Variants in MLKL observed in about 807,000 individuals in gnomAD.
MLKL encodes mixed lineage kinase domain like pseudokinase, also known as mixed lineage kinase domain-like protein.
A neutral mutation model predicts 56.5 loss-of-function variants in MLKL; 55 were observed. That is an observed-to-expected ratio of 0.97 (90% confidence interval 0.78 to 1.22). The LOEUF (loss-of-function observed/expected upper bound fraction) is 1.22, where lower values mean the gene tolerates loss of function less well. Among genes scored for constraint, MLKL ranks in the 50% most tolerant of loss-of-function variants. MLKL has a pLI of 0.00. For synonymous variants in MLKL, 251 were observed against 208.3 expected, an observed-to-expected ratio of 1.20 and a Z score of -1.76; for missense variants, 694 against 573.9, an observed-to-expected ratio of 1.21 and a Z score of -2.14.
At chr16:74,692,469 C>A in intron 2 of MLKL, 53 bp from the exon 3 acceptor site, 1 of 1,414,384 alleles carries the variant, frequency 7.1e-7, no homozygotes, top group Non-Finnish European at 9.8e-7. Context: ...AATCACACGC[C>A]AATCAAAACT....
chr16:74,693,506 A>AG (rs1472545232), intron 2 of MLKL, among the ~76,000 whole-genome samples: 34 of 151,374 alleles, frequency 2.2e-4, no homozygotes, highest in Non-Finnish European at 4.0e-4. Context: ...AGAAAAGAAA[A>AG]AAAAAGTTCT....
chr16:74,682,938 G>C, intron 5 of MLKL, 152 bp from the exon 6 acceptor site: 1 of 883,578 alleles, frequency 1.1e-6, no homozygotes, highest in South Asian at 1.8e-5. Flanking sequence ...TTTGGTCCCC[G>C]GCCTCCTTGA....
At chr16:74,680,395 G>A (rs950346909) in intron 6 of MLKL, among the ~76,000 whole-genome samples, 1 of 152,126 alleles carries the variant, frequency 6.6e-6, no homozygotes, top group African/African-American at 2.4e-5. Context: ...TGGTATGCAA[G>A]ATTATATAAA....
At chr16:74,676,857 A>G (rs1377890843) in intron 7 of MLKL, 1 of 152,170 alleles carries the variant, frequency 6.6e-6, no homozygotes, top group Non-Finnish European at 1.5e-5. Flanking sequence ...ACTTCCAGTG[A>G]ACTTCTTAGC....
chr16:74,674,159 T>A (rs960653988), intron 10 of MLKL, among the ~76,000 whole-genome samples: 1 of 150,058 alleles, frequency 6.7e-6, no homozygotes, highest in Non-Finnish European at 1.5e-5. Context: ...TAGCATTCTT[T>A]TTTTTTTTTT....
At chr16:74,681,064 G>A (rs551470842) in intron 6 of MLKL, among the ~76,000 whole-genome samples, 145 of 151,898 alleles carry the variant, frequency 9.5e-4, no homozygotes, top group Non-Finnish European at 1.5e-3. Context: ...TTGCTTTGTC[G>A]CCCAGCCTGG....
intron 9 of MLKL, 62 bp from the exon 10 acceptor site, chr16:74,675,162 G>A (rs532111609): frequency 1.9e-6 from 3 of 1,594,352 alleles, no homozygotes; most frequent in South Asian, 2.3e-5. Context: ...CTCTCTGGAT[G>A]CTGATGGCTG....
At chr16:74,682,481 G>A (rs1255881832) in intron 6 of MLKL, among the ~76,000 whole-genome samples, 170 bp downstream of exon 6, 1 of 152,120 alleles carries the variant, frequency 6.6e-6, no homozygotes, top group African/African-American at 2.4e-5. Context: ...GGTGTTCCCT[G>A]GGTTAAGCCT....
At position 74,695,322 on chromosome 16, in the gene MLKL, G is replaced by T. The variant is rs756494877; in HGVS notation, c.436C>A (p.Arg146=). The change falls in exon 2 of 11, where the codon CGA becomes AGA. Residue 146 remains arginine (R), a synonymous_variant. Transcript: ENST00000308807. ...CCTCTTCTTAGCATCTGGAAAGCTC[G>T]CCTGTCTTCGTCTGCATCCTGCTGA... ...EDQQDADEDR[R]AFQMLRRDNE... is the part of the protein sequence containing the mutation. The T allele has an allele frequency of 1.9e-6, 3 of 1,613,754 alleles. No individual in the cohort carries two copies. Among genetic ancestry groups the T allele is most frequent in the Non-Finnish European group, 2.5e-6 (3 of 1,179,938 alleles).
In MLKL at chr16:74,695,599, C is replaced by T; in HGVS notation, c.159G>A (p.Val53=). ...EMLQDQGKRS[V]PSEKLTTAMN... ...TGGCTGTGGTTAACTTCTCAGAGGG[C>T]ACGCTCCTCTTTCCTTGGTCCTGGA... Residue 53 remains valine (V), a synonymous_variant, in exon 2 of 11, where the codon GTG becomes GTA. Coordinates refer to ENST00000308807, the MANE Select transcript of MLKL (RefSeq NM_152649.4). 6.2e-7 allele frequency: 1 copy of T among 1,614,214 alleles called. No individual in the cohort carries two copies. Among genetic ancestry groups the T allele is most frequent in the Non-Finnish European group, 8.5e-7 (1 of 1,180,042 alleles).
At chr16:74,696,844 G>A (rs938459925) in intron 1 of MLKL, among the ~76,000 whole-genome samples, 9 of 149,930 alleles carry the variant, frequency 6.0e-5, no homozygotes, top group African/African-American at 2.2e-4. Flanking sequence ...TGTAATCCCA[G>A]CTACTCGGAG....
chr16:74,675,334 G>T, intron 9 of MLKL, 21 bp downstream of exon 9: 1 of 1,614,130 alleles, frequency 6.2e-7, no homozygotes, highest in South Asian at 1.1e-5. Flanking sequence ...CACTGGCTGA[G>T]CCAGTCTTCA....
chr16:74,685,580 T>C lies in MLKL; in HGVS notation c.726A>G (p.Ile242Met). Reference protein sequence around the residue: ...FKKLQAGSIAIVRQTFNKEIK... With the variant: ...FKKLQAGSIAMVRQTFNKEIK... Reference sequence around the variant, plus strand: ...TCTCCTTATTGAAAGTCTGCCTCACTATTCTATAAGGATTAAAGAGAGAAA... The same window carrying C: ...TCTCCTTATTGAAAGTCTGCCTCACCATTCTATAAGGATTAAAGAGAGAAA... Residue 242 changes from isoleucine (I) to methionine (M), a missense_variant, in exon 5 of 11, where the codon ATA becomes ATG. Ile to Met is a conservative substitution (Grantham distance 10, BLOSUM62 1). Transcript: ENST00000308807. 1 of 1,610,506 alleles carries C rather than the reference T, an allele frequency of 6.2e-7. No individual in the cohort carries two copies. The highest frequency in any genetic ancestry group is 8.5e-7 in the Non-Finnish European group (1 of 1,176,762).
chr16:74,675,188 A>G, intron 9 of MLKL, 88 bp from the exon 10 acceptor site: 2 of 1,567,306 alleles, frequency 1.3e-6, no homozygotes, highest in Admixed American at 3.6e-5. Context: ...AGAACTAGGG[A>G]CTCTGAGTAT....
chr16:74,689,511 C>A (rs967568752), intron 4 of MLKL, among the ~76,000 whole-genome samples: 2 of 152,168 alleles, frequency 1.3e-5, no homozygotes, highest in Admixed American at 6.5e-5. Flanking sequence ...AAAATACAGT[C>A]TCAATGAAAA....
intron 1 of MLKL, among the ~76,000 whole-genome samples, chr16:74,699,171 G>A (rs1961230439): frequency 6.6e-6 from 1 of 152,046 alleles, no homozygotes; most frequent in Admixed American, 6.6e-5. Context: ...AACAAAGCTT[G>A]AAGAAAGGAG....
In MLKL at chr16:74,691,420, G is replaced by A. The variant is rs781542232; in HGVS notation, c.579C>T (p.Ile193=). 6.2e-7 allele frequency: 1 copy of A among 1,614,038 alleles called. No individual in the cohort carries two copies. Among genetic ancestry groups the A allele is most frequent in the South Asian group, 1.1e-5 (1 of 91,072 alleles). Residue 193 remains isoleucine, a synonymous_variant, in exon 4 of 11, where the codon ATC becomes ATT. Coordinates refer to ENST00000308807, the MANE Select transcript of MLKL (RefSeq NM_152649.4). ...AAAGCTGCTCCTTCTTGATCTCCTT[G>A]ATTTGCTCTTGCGGGATCTCCTGCA... is the stretch of plus-strand genomic sequence containing the variant. ...KCMQEIPQEQ[I]KEIKKEQLSG...
chr16:74,689,380 T>G (rs1960532374), intron 4 of MLKL, among the ~76,000 whole-genome samples: 1 of 152,142 alleles, frequency 6.6e-6, no homozygotes, highest in South Asian at 2.1e-4. Flanking sequence ...CCTCCCAAAG[T>G]GCTGGGATTA....
intron 1 of MLKL, among the ~76,000 whole-genome samples, chr16:74,698,766 C>G (rs116226317): frequency 6.6e-6 from 1 of 152,088 alleles, no homozygotes; most frequent in Non-Finnish European, 1.5e-5. Context: ...AATATCCCAC[C>G]CATAGAACTG....
Sources: gnomAD v4.1 joint callset for allele counts (sites outside exome capture counted in the v4.1 genomes callset) on GRCh38, gnomAD v4.1.1 for gene constraint, MANE v1.5 for transcripts, NCBI Gene and HGNC (gene_info 2026-07-23, HGNC 2026-07-21) for gene names.